SMYD4: variants seen among roughly 807,000 people sequenced by gnomAD.
The protein encoded by SMYD4 is protein-lysine N-methyltransferase SMYD4.
Under a neutral mutation model 72.8 loss-of-function variants are expected in SMYD4, and 68 were observed. The observed-to-expected ratio is 0.93, with a 90% CI of 0.77 to 1.14. The LOEUF (loss-of-function observed/expected upper bound fraction) is 1.14, where lower values mean the gene tolerates loss of function less well. SMYD4 is among the 50% of genes most tolerant of loss of function. The pLI is 0.00. For missense variants in SMYD4, 984 were observed against 1,003.7 expected (o/e 0.98, Z 0.27); for synonymous variants, 407 against 388.6 (o/e 1.05, Z -0.56).
chr17:1,810,755 A>C (rs528641323), intron 3 of SMYD4, among the ~76,000 whole-genome samples: 1 of 152,358 alleles, frequency 6.6e-6, no homozygotes, highest in African/African-American at 2.4e-5. Flanking sequence ...CCTAGCAGGC[A>C]GACACATAAG....
chr17:1,793,577 GT>G (rs1909175468), intron 5 of SMYD4, among the ~76,000 whole-genome samples: 1 of 151,926 alleles, frequency 6.6e-6, no homozygotes, highest in South Asian at 2.1e-4. Flanking sequence ...GGTCACTTCT[GT>G]CTATTGGTCA....
In SMYD4 at chr17:1,808,497, C is replaced by G. The variant is rs865849199; in HGVS notation, c.279+3474G>C. Among the ~76,000 whole-genome samples, 8 of 152,028 alleles carry G rather than the reference C, an allele frequency of 5.3e-5. No individual in the cohort carries two copies. The South Asian group carries it at 1.2e-3, about 24-fold the overall frequency. On this transcript the variant is annotated intron_variant, in intron 3 of 10. Coordinates refer to ENST00000305513, the MANE Select transcript of SMYD4 (RefSeq NM_052928.3). ...TCACTGGTTATGAGGTTTTTTTTTACTCTTTATGCTCCTCTGTACTTTCCG... is the reference window on the plus strand; with the variant it reads ...TCACTGGTTATGAGGTTTTTTTTTAGTCTTTATGCTCCTCTGTACTTTCCG...
chr17:1,806,783 A>C (rs1319351047), intron 3 of SMYD4, among the ~76,000 whole-genome samples: 1 of 152,206 alleles, frequency 6.6e-6, no homozygotes, highest in African/African-American at 2.4e-5. Flanking sequence ...TGTATATCTT[A>C]TATACATATA....
intron 7 of SMYD4, among the ~76,000 whole-genome samples, chr17:1,785,817 C>G (rs1266231424): frequency 6.6e-6 from 1 of 150,780 alleles, no homozygotes; most frequent in African/African-American, 2.5e-5. Flanking sequence ...TAGGTGCGAT[C>G]GTCCTACATT....
intron 4 of SMYD4, among the ~76,000 whole-genome samples, chr17:1,803,169 ACT>A (rs1440042171): frequency 6.6e-6 from 1 of 151,062 alleles, no homozygotes; most frequent in Non-Finnish European, 1.5e-5. Flanking sequence ...CAAAACAAAA[ACT>A]CCACTGACAA....
chr17:1,781,474 G>A (rs1294595924), intron 10 of SMYD4, 35 bp from the exon 11 acceptor site: 2 of 1,603,372 alleles, frequency 1.2e-6, no homozygotes, highest in African/African-American at 1.3e-5. Flanking sequence ...TTAGTTCACT[G>A]ATTTGTGAGG....
chr17:1,825,881 G>T (rs184395836), intron 2 of SMYD4, among the ~76,000 whole-genome samples: 8 of 151,414 alleles, frequency 5.3e-5, no homozygotes, highest in African/African-American at 1.9e-4. Context: ...CAGGAGGATC[G>T]CTTGAGCCCA....
At chr17:1,794,085 A>ATATATGTG (rs1567771002) in intron 5 of SMYD4, among the ~76,000 whole-genome samples, 4 of 20,042 alleles carry the variant, frequency 2.0e-4, no homozygotes, top group African/African-American at 6.6e-4. Flanking sequence ...ATATGTGTAT[A>ATATATGTG]TATATATATA....
rs766983285 is a variant in SMYD4 at position 1,786,958 on chromosome 17, C to T, written c.1736G>A (p.Arg579Gln). Residue 579 changes from arginine (R) to glutamine (Q), a missense_variant, in exon 7 of 11, where the codon CGG (arginine) becomes CAG (glutamine). Transcript: ENST00000305513. ...CTGCTGCCTTTCGGCAACCCCCATC[C>T]GGCTCTTGTGAGGCCCTGGAGGGAG... The part of the protein sequence containing the change: ...ILHCYGPHKS[R>Q]MGVAERQQKL... 61 of 1,613,738 alleles carry T rather than the reference C, an allele frequency of 3.8e-5. No individual in the cohort carries two copies. The highest frequency in any genetic ancestry group is 3.4e-4 in the Middle Eastern group (2 of 5,842).
intron 2 of SMYD4, among the ~76,000 whole-genome samples, chr17:1,816,634 T>A (rs1316403861): frequency 2.8e-4 from 42 of 147,380 alleles, no homozygotes; most frequent in African/African-American, 9.4e-4. Flanking sequence ...AAAAAAAAAA[T>A]TTTTTTTTAA....
chr17:1,795,405 C>CTCTATCTATCTA (rs6145948), intron 5 of SMYD4, among the ~76,000 whole-genome samples: 3,670 of 148,908 alleles, frequency 0.025, 64 homozygotes, highest in East Asian at 0.068. Context: ...ACGATCTCAG[C>CTCTATCTATCTA]TCTATCTATC....
intron 2 of SMYD4, among the ~76,000 whole-genome samples, chr17:1,819,412 C>T (rs1403421661): frequency 6.6e-6 from 1 of 152,046 alleles, no homozygotes; most frequent in Non-Finnish European, 1.5e-5. Context: ...CTTCTTGTTG[C>T]CTCAAATCAG....
intron 5 of SMYD4, 114 bp from the exon 6 acceptor site, chr17:1,787,718 G>A: frequency 9.4e-7 from 1 of 1,062,858 alleles, no homozygotes; most frequent in Non-Finnish European, 1.3e-6. Flanking sequence ...TGTGAGTCAT[G>A]GCTCCACAGC....
chr17:1,828,123 G>C, intron 1 of SMYD4, 117 bp from the exon 2 acceptor site: 2 of 949,182 alleles, frequency 2.1e-6, no homozygotes, highest in Non-Finnish European at 3.1e-6. Context: ...AGCCGAGGTA[G>C]GTGGATCACG....
At chr17:1,822,200 C>T (rs1314080702) in intron 2 of SMYD4, among the ~76,000 whole-genome samples, 1 of 152,008 alleles carries the variant, frequency 6.6e-6, no homozygotes, top group Non-Finnish European at 1.5e-5. Context: ...CGCCACTGCA[C>T]TCCAGCCTGG....
At chr17:1,815,650 C>T (rs1454230367) in intron 2 of SMYD4, among the ~76,000 whole-genome samples, 1 of 142,438 alleles carries the variant, frequency 7.0e-6, no homozygotes, top group African/African-American at 2.7e-5. Flanking sequence ...ACAGCAAGAC[C>T]CTGCCTTAAA....
chr17:1,791,985 C>T (rs760358928), intron 5 of SMYD4, among the ~76,000 whole-genome samples: 66 of 152,132 alleles, frequency 4.3e-4, no homozygotes, highest in Non-Finnish European at 8.1e-4. Context: ...ATGACAGTTG[C>T]TTGTAATGCC....
chr17:1,781,669 T>C, intron 10 of SMYD4: 1 of 268,156 alleles, frequency 3.7e-6, no homozygotes, highest in Non-Finnish European at 6.9e-6. Context: ...GAGGCAAATC[T>C]CAAAGCTTTT....
chr17:1,805,618 C>T (rs529342535), intron 3 of SMYD4, among the ~76,000 whole-genome samples: 33 of 151,538 alleles, frequency 2.2e-4, no homozygotes, highest in Non-Finnish European at 1.2e-4. Flanking sequence ...TTGAGACCTG[C>T]CTGGCTAACA....
Sources: allele counts gnomAD v4.1 joint callset (sites outside exome capture counted in the v4.1 genomes callset), GRCh38; gene constraint gnomAD v4.1.1; transcripts MANE v1.5; gene names NCBI Gene and HGNC (gene_info 2026-07-23, HGNC 2026-07-21).